Variants in ATG10 observed in about 807,000 individuals in gnomAD.
ATG10 encodes the protein autophagy related 10.
In ATG10, 30 loss-of-function variants were observed where a neutral mutation model predicts 32.1. The ratio of observed to expected loss-of-function variants is 0.94; its 90% CI spans 0.70 to 1.27. The LOEUF (loss-of-function observed/expected upper bound fraction) is 1.27. Among genes scored for constraint, ATG10 ranks in the 50% most tolerant of loss-of-function variants. The pLI is 0.00. For missense variants in ATG10, 233 were observed against 262.3 expected, an observed-to-expected ratio of 0.89 and a Z score of 0.77; for synonymous variants, 87 against 91.5, an observed-to-expected ratio of 0.95 and a Z score of 0.28.
At chr5:81,990,580 A>G (rs1279805816) in intron 2 of ATG10, among the ~76,000 whole-genome samples, 1 of 152,208 alleles carries the variant, frequency 6.6e-6, no homozygotes, top group Non-Finnish European at 1.5e-5. Flanking sequence ...ATTTGTTTCT[A>G]TTATTGACCT....
At chr5:82,235,792 C>T (rs1746531712) in intron 5 of ATG10, among the ~76,000 whole-genome samples, 1 of 152,164 alleles carries the variant, frequency 6.6e-6, no homozygotes, top group African/African-American at 2.4e-5. Context: ...TAAATAGAGA[C>T]TTGGAATCCT....
intron 3 of ATG10, among the ~76,000 whole-genome samples, chr5:82,085,314 G>A (rs1764640846): frequency 6.6e-6 from 1 of 152,076 alleles, no homozygotes; most frequent in Non-Finnish European, 1.5e-5. Context: ...CAATACAGGA[G>A]CACCCAGATT....
chr5:82,209,077 T>C (rs761161928), intron 5 of ATG10, among the ~76,000 whole-genome samples: 2 of 152,142 alleles, frequency 1.3e-5, no homozygotes, highest in African/African-American at 2.4e-5. Flanking sequence ...GTTTTGCTGA[T>C]GTTATTTCTT....
intron 3 of ATG10, among the ~76,000 whole-genome samples, chr5:82,125,933 C>T (rs1766258693): frequency 1.3e-5 from 2 of 151,946 alleles, no homozygotes; most frequent in African/African-American, 4.8e-5. Context: ...TCTATTTGTT[C>T]GTGTCCTCTC....
At position 82,013,637 on chromosome 5, in the gene ATG10, TC is replaced by T. The variant is rs1762194785; in HGVS notation, c.108+25962del. Among the ~76,000 whole-genome samples, 7 of 152,288 alleles carry T rather than the reference TC, an allele frequency of 4.6e-5. No individual in the cohort carries two copies. The South Asian group carries it at 1.4e-3, about 32-fold the overall frequency. ...ATTCCCATCAACAGTGTAAAAGTGT[TC>T]CCTTTTCACCACATCCACACCAACA... On this transcript the variant is annotated intron_variant, in intron 2 of 7. Transcript: ENST00000282185.
chr5:82,013,634 TG>T (rs1310204355), intron 2 of ATG10, among the ~76,000 whole-genome samples: 2 of 152,210 alleles, frequency 1.3e-5, no homozygotes, highest in Non-Finnish European at 2.9e-5. Context: ...AGTGTAAAAG[TG>T]TTCCCTTTTC....
chr5:82,165,272 G>C (rs1166977143), intron 4 of ATG10, among the ~76,000 whole-genome samples: 2 of 152,194 alleles, frequency 1.3e-5, no homozygotes, highest in Non-Finnish European at 2.9e-5. Context: ...CCAACCCCTT[G>C]CCCTATTTCT....
At chr5:82,162,853 G>A (rs1388592056) in intron 3 of ATG10, among the ~76,000 whole-genome samples, 1 of 150,704 alleles carries the variant, frequency 6.6e-6, no homozygotes, top group Admixed American at 6.7e-5. Flanking sequence ...GGGAGGAGGT[G>A]TGTGTGTGTC....
intron 3 of ATG10, among the ~76,000 whole-genome samples, chr5:82,141,650 T>TAA (rs377307726): frequency 6.7e-6 from 1 of 149,960 alleles, no homozygotes; most frequent in African/African-American, 2.5e-5. Flanking sequence ...TTACTTTAGA[T>TAA]AAAAAAAAAA....
intron 5 of ATG10, among the ~76,000 whole-genome samples, chr5:82,216,926 G>A (rs926595743): frequency 9.9e-5 from 15 of 151,954 alleles, no homozygotes; most frequent in Admixed American, 7.2e-4. Context: ...GTAGTGGTGC[G>A]TGCCTGTAGT....
At position 81,993,369 on chromosome 5, in the gene ATG10, T is replaced by TTTCTTTCTTTCTTTCCTTCTTTC. The variant is rs1554039351; in HGVS notation, c.108+5693_108+5694insCTTTCTTTCTTTCCTTCTTTCTT. On this transcript the variant is annotated intron_variant, in intron 2 of 7. Transcript: ENST00000282185. ...TTTCTTTCTTTCTTTCCTTCTTTTC[T>TTTCTTTCTTTCTTTCCTTCTTTC]TTTCTTTTCTTTTCTTTTCTTTTTT... Among the ~76,000 whole-genome samples the TTTCTTTCTTTCTTTCCTTCTTTC allele has an allele frequency of 1.3e-4, 5 of 38,026 alleles. 1 individual carries two copies. The highest frequency in any genetic ancestry group is 6.3e-4 in the African/African-American group (5 of 7,960). The allele number at this position is 38,026 out of a possible 152,430, so 24.9% of individuals were successfully genotyped here.
In ATG10 at chr5:82,225,675, G is replaced by A. The variant is rs376060446; in HGVS notation, c.454-26887G>A. Among the ~76,000 whole-genome samples the A allele has an allele frequency of 2.3e-4, 35 of 152,212 alleles. 1 individual carries two copies. The East Asian group carries it at 5.0e-3, about 22-fold the overall frequency. ...GCCAAAGCCCTTTACAGACAGCCTG[G>A]TGCCTTCCTTGCCGATTTCCACAAT... On this transcript the variant is annotated intron_variant, in intron 5 of 7. Coordinates refer to ENST00000282185, the MANE Select transcript of ATG10 (RefSeq NM_031482.5).
At chr5:81,974,644 G>T (rs1760818285) in intron 1 of ATG10, among the ~76,000 whole-genome samples, 1 of 152,112 alleles carries the variant, frequency 6.6e-6, no homozygotes, top group Non-Finnish European at 1.5e-5. Context: ...TCTCTAAGTT[G>T]CCCAGGCTGG....
intron 5 of ATG10, among the ~76,000 whole-genome samples, chr5:82,191,244 G>T (rs77883869): frequency 1.3e-5 from 2 of 152,134 alleles, no homozygotes; most frequent in East Asian, 1.9e-4. Context: ...CAATTGATTG[G>T]CACATACATT....
At chr5:82,030,492 A>T (rs1762715489) in intron 2 of ATG10, among the ~76,000 whole-genome samples, 1 of 152,174 alleles carries the variant, frequency 6.6e-6, no homozygotes, top group South Asian at 2.1e-4. Flanking sequence ...CCGCTTCTCC[A>T]TGTCTGCCAC....
chr5:82,049,403 G>A (rs1421823186), intron 2 of ATG10, among the ~76,000 whole-genome samples: 1 of 124,372 alleles, frequency 8.0e-6, no homozygotes, highest in African/African-American at 3.0e-5. Flanking sequence ...TGTTGTGGGG[G>A]TGGGGGGAGG....
chr5:82,141,801 CACACACAT>C lies in ATG10; in HGVS notation c.217-22582_217-22575del, dbSNP rs984797631. Among the ~76,000 whole-genome samples the C allele has an allele frequency of 5.3e-5, 8 of 151,782 alleles. No homozygotes were observed. The South Asian group carries it at 6.3e-4, about 12-fold the overall frequency. On this transcript the variant is annotated intron_variant, in intron 3 of 7. Transcript: ENST00000282185. Reference sequence around the variant, plus strand: ...AAATTCTAACTAGGGGTTGCAGTTACACACACATACACACATACACACACACACCCATA... The same window carrying C: ...AAATTCTAACTAGGGGTTGCAGTTACACACACATACACACACACACCCATA...
chr5:82,139,725 C>T (rs1353929506), intron 3 of ATG10, among the ~76,000 whole-genome samples: 2 of 142,382 alleles, frequency 1.4e-5, no homozygotes, highest in African/African-American at 5.2e-5. Context: ...GGGGGTCAGC[C>T]CCCTGCCCGG....
intron 5 of ATG10, among the ~76,000 whole-genome samples, chr5:82,242,467 G>C (rs1746842993): frequency 6.6e-6 from 1 of 152,084 alleles, no homozygotes; most frequent in South Asian, 2.1e-4. Context: ...AAGAGCTGAT[G>C]CTGAGAATTT....
Sources: allele counts gnomAD v4.1 joint callset (sites outside exome capture counted in the v4.1 genomes callset), GRCh38; gene constraint gnomAD v4.1.1; transcripts MANE v1.5; gene names NCBI Gene and HGNC (gene_info 2026-07-23, HGNC 2026-07-21).